The following PARG variants were observed in gnomAD, a reference collection of about 807,000 sequenced individuals.
PARG encodes the protein mitochondrial poly(ADP-ribose) glycohydrolase.
In PARG, 35 loss-of-function variants were observed where a neutral mutation model predicts 113.0. The observed-to-expected ratio is 0.31, with a 90% CI of 0.24 to 0.41. The LOEUF (loss-of-function observed/expected upper bound fraction) is 0.41, where lower values mean the gene tolerates loss of function less well. Ranked by LOEUF, PARG falls within the 10% of genes least tolerant of loss-of-function variation. PARG has a pLI of 1.00. For synonymous variants in PARG, 330 were observed against 409.9 expected (o/e 0.81, Z 2.36); for missense variants, 797 against 1,169.4 (o/e 0.68, Z 4.64).
At chr10:49,938,318 C>CT (rs1304262667) in intron 1 of PARG, among the ~76,000 whole-genome samples, 6 of 150,210 alleles carry the variant, frequency 4.0e-5, no homozygotes, top group Admixed American at 6.7e-5. Flanking sequence ...TCCACCCAGT[C>CT]TTTTTTTTTT....
intron 7 of PARG, among the ~76,000 whole-genome samples, chr10:49,887,995 C>T (rs1299163447): frequency 6.6e-6 from 1 of 151,958 alleles, no homozygotes; most frequent in African/African-American, 2.4e-5. Flanking sequence ...TTTAAAATTC[C>T]ATTTTTGTTT....
At chr10:49,842,095 C>G in intron 14 of PARG, 37 bp from the exon 15 acceptor site, 2 of 1,368,074 alleles carry the variant, frequency 1.5e-6, no homozygotes, top group Non-Finnish European at 2.0e-6. Context: ...AGATAAGGAA[C>G]AGGTAGTCGC....
chr10:49,834,230 C>T (rs782115587), intron 15 of PARG, among the ~76,000 whole-genome samples: 11 of 152,112 alleles, frequency 7.2e-5, no homozygotes, highest in South Asian at 2.1e-4. Context: ...GTGTCATTAA[C>T]GAACAAGGGA....
At chr10:49,919,957 T>C (rs1289598252) in intron 6 of PARG, among the ~76,000 whole-genome samples, 2 of 152,170 alleles carry the variant, frequency 1.3e-5, no homozygotes, top group Non-Finnish European at 2.9e-5. Context: ...TTATGTAGTA[T>C]TTTAAAGAAT....
intron 7 of PARG, among the ~76,000 whole-genome samples, chr10:49,895,702 G>A (rs1255999207): frequency 2.4e-4 from 37 of 152,066 alleles, no homozygotes; most frequent in Admixed American, 5.9e-4. Flanking sequence ...CACCGCGCCC[G>A]GCCGAGAACT....
chr10:49,917,488 C>CAGAA (rs1837550846), intron 6 of PARG, among the ~76,000 whole-genome samples: 1 of 47,658 alleles, frequency 2.1e-5, no homozygotes, highest in Non-Finnish European at 4.4e-5. Flanking sequence ...GACTCCGTCT[C>CAGAA]AAAAAAAAAA....
intron 7 of PARG, among the ~76,000 whole-genome samples, chr10:49,906,807 T>C (rs1436209435): frequency 1.3e-5 from 2 of 152,180 alleles, no homozygotes; most frequent in Non-Finnish European, 2.9e-5. Context: ...GGGAGGATCT[T>C]GTAGAAGAGG....
chr10:49,836,005 G>C (rs1442197691), intron 15 of PARG, among the ~76,000 whole-genome samples: 2 of 152,078 alleles, frequency 1.3e-5, no homozygotes, highest in Non-Finnish European at 2.9e-5. Context: ...AGGAGCAATA[G>C]GCCATACCAT....
intron 7 of PARG, among the ~76,000 whole-genome samples, chr10:49,886,672 G>GA (rs1554840506): frequency 1.3e-5 from 2 of 151,728 alleles, no homozygotes; most frequent in African/African-American, 2.4e-5. Context: ...CTATCCAACT[G>GA]AAAAAAAACT....
intron 15 of PARG, among the ~76,000 whole-genome samples, chr10:49,840,848 A>G (rs1845196481): frequency 6.6e-6 from 1 of 152,230 alleles, no homozygotes. Context: ...AAAAACCACA[A>G]GCCTCATTAT....
chr10:49,890,513 C>T lies in PARG; in HGVS notation c.1738-5218G>A, dbSNP rs570519824. Among the ~76,000 whole-genome samples, 305 of 152,256 alleles carry T rather than the reference C, an allele frequency of 2.0e-3. 3 individuals carry two copies. The highest frequency in any genetic ancestry group is 7.1e-3 in the African/African-American group (295 of 41,560). Reference sequence around the variant, plus strand: ...AGATGACAGAAGAGTAAACAGTTAACAGACGTGGTCACTGACCTCATGAAT... The same window carrying T: ...AGATGACAGAAGAGTAAACAGTTAATAGACGTGGTCACTGACCTCATGAAT... On this transcript the variant is annotated intron_variant, in intron 7 of 17. Transcript: ENST00000616448.
chr10:49,897,797 CA>C, intron 7 of PARG, among the ~76,000 whole-genome samples: 1 of 152,234 alleles, frequency 6.6e-6, no homozygotes, highest in Middle Eastern at 3.4e-3. Flanking sequence ...CACTTGAGGT[CA>C]AGAGTTCAAG....
chr10:49,835,934 C>T (rs562789244), intron 15 of PARG, among the ~76,000 whole-genome samples: 2 of 152,216 alleles, frequency 1.3e-5, no homozygotes, highest in South Asian at 2.1e-4. Flanking sequence ...AAATACCTAC[C>T]GTTGCGTCAC....
At chr10:49,820,441 G>C (rs1418020136) in intron 16 of PARG, 148 bp from the exon 17 acceptor site, 1 of 583,118 alleles carries the variant, frequency 1.7e-6, no homozygotes, top group Admixed American at 3.3e-5. Flanking sequence ...GGAACACAAG[G>C]CTGGGCGCGG....
At chr10:49,917,171 C>A (rs1386794223) in intron 6 of PARG, among the ~76,000 whole-genome samples, 2 of 152,092 alleles carry the variant, frequency 1.3e-5, no homozygotes, top group Admixed American at 1.3e-4. Flanking sequence ...ACTCACAAGT[C>A]ATACATAACA....
At chr10:49,848,191 A>G (rs1394378555) in intron 13 of PARG, among the ~76,000 whole-genome samples, 6 of 141,730 alleles carry the variant, frequency 4.2e-5, no homozygotes, top group Admixed American at 2.9e-4. Context: ...TCTACTAAAA[A>G]TACAAAAATT....
chr10:49,870,614 C>CATT, intron 9 of PARG, among the ~76,000 whole-genome samples: 1 of 152,028 alleles, frequency 6.6e-6, no homozygotes, highest in East Asian at 1.9e-4. Flanking sequence ...GCTTTAAAAG[C>CATT]ATTATGACCT....
In PARG at chr10:49,820,520, G is replaced by C. The variant is rs563609223; in HGVS notation, c.2648-227C>G. On this transcript the variant is annotated intron_variant, in intron 16 of 17. Coordinates refer to ENST00000616448, the MANE Select transcript of PARG (RefSeq NM_003631.5). ...GCAGATCACCTGAGACCAGGAGTTC[G>C]AGACCAGCCTGGCCAACATGGTGAA... is the stretch of plus-strand genomic sequence containing the variant. Among the ~76,000 whole-genome samples, 9 of 152,028 alleles carry C rather than the reference G, an allele frequency of 5.9e-5. No homozygotes were observed. The South Asian group carries it at 1.9e-3, about 32-fold the overall frequency.
intron 4 of PARG, among the ~76,000 whole-genome samples, chr10:49,924,068 GC>G (rs1838029183): frequency 7.0e-6 from 1 of 142,038 alleles, no homozygotes; most frequent in South Asian, 2.5e-4. Flanking sequence ...TTTCACTCCT[GC>G]TCTAAAACTT....
Sources: gnomAD v4.1 joint callset for allele counts (sites outside exome capture counted in the v4.1 genomes callset) on GRCh38, gnomAD v4.1.1 for gene constraint, MANE v1.5 for transcripts, NCBI Gene and HGNC (gene_info 2026-07-23, HGNC 2026-07-21) for gene names.